MYO1E: variants seen among roughly 807,000 people sequenced by gnomAD.
MYO1E encodes unconventional myosin-Ie.
A neutral mutation model predicts 151.1 loss-of-function variants in MYO1E; 68 were observed. That is an observed-to-expected ratio of 0.45 (90% CI 0.37 to 0.55). The LOEUF (loss-of-function observed/expected upper bound fraction) is 0.55, where lower values mean the gene tolerates loss of function less well. MYO1E is among the 20% of genes least tolerant of loss of function. The probability of loss-of-function intolerance (pLI) is 0.00; values close to 1 mark genes in which losing one functional copy is unlikely to be tolerated. For missense variants in MYO1E, 1,363 were observed against 1,389.3 expected (o/e 0.98, Z 0.30); for synonymous variants, 601 against 501.7 (o/e 1.20, Z -2.64).
At chr15:59,274,717 A>T (rs1300378742) in intron 1 of MYO1E, among the ~76,000 whole-genome samples, 1 of 152,200 alleles carries the variant, frequency 6.6e-6, no homozygotes, top group Non-Finnish European at 1.5e-5. Flanking sequence ...TTGTCTCAGT[A>T]TCAAACCCAT....
chr15:59,248,127 C>CAA (rs138467126), intron 4 of MYO1E, among the ~76,000 whole-genome samples: 1,797 of 35,854 alleles, frequency 0.05, 381 homozygotes, highest in Middle Eastern at 0.083. Context: ...GACTCCGTCT[C>CAA]AAAAAAAAAA....
chr15:59,250,589 G>C (rs142983863), intron 4 of MYO1E, among the ~76,000 whole-genome samples: 1 of 151,816 alleles, frequency 6.6e-6, no homozygotes, highest in South Asian at 2.1e-4. Flanking sequence ...GCTTTTCTGA[G>C]TTTTGTGAGT....
At chr15:59,293,707 GT>G (rs1261755955) in intron 1 of MYO1E, among the ~76,000 whole-genome samples, 11 of 152,218 alleles carry the variant, frequency 7.2e-5, no homozygotes, top group Middle Eastern at 6.8e-3. Context: ...GCCCTCAAAA[GT>G]TTTTTCATCT....
At chr15:59,233,656 C>G (rs1349500034) in intron 5 of MYO1E, among the ~76,000 whole-genome samples, 1 of 97,976 alleles carries the variant, frequency 1.0e-5, no homozygotes, top group Admixed American at 1.6e-4. Flanking sequence ...GAGCGAGACT[C>G]CGTCTAAAAA....
chr15:59,193,799 C>T (rs1025126976), intron 17 of MYO1E, among the ~76,000 whole-genome samples: 1 of 152,094 alleles, frequency 6.6e-6, no homozygotes, highest in African/African-American at 2.4e-5. Flanking sequence ...GCTCCTCATC[C>T]GGGCCTGAAT....
chr15:59,155,420 T>C (rs2079504293), intron 25 of MYO1E, among the ~76,000 whole-genome samples: 1 of 152,218 alleles, frequency 6.6e-6, no homozygotes, highest in Non-Finnish European at 1.5e-5. Flanking sequence ...TAAAACCCCC[T>C]GAAAACTCCT....
At chr15:59,207,509 A>G (rs773275198) in intron 14 of MYO1E, 13 of 1,613,882 alleles carry the variant, frequency 8.1e-6, no homozygotes, top group Admixed American at 1.7e-5. Context: ...AATCCAGTGG[A>G]TATCTTAACT....
intron 1 of MYO1E, among the ~76,000 whole-genome samples, chr15:59,295,337 CT>C (rs1243214332): frequency 6.6e-6 from 1 of 152,028 alleles, no homozygotes; most frequent in African/African-American, 2.4e-5. Flanking sequence ...TTGCACTGAG[CT>C]TTTCACCACG....
At chr15:59,229,495 T>G (rs2080012654) in intron 6 of MYO1E, among the ~76,000 whole-genome samples, 2 of 152,200 alleles carry the variant, frequency 1.3e-5, no homozygotes. Context: ...TATAGCAGCC[T>G]GGGGGGGATG....
At chr15:59,354,637 T>C (rs1351346678) in intron 1 of MYO1E, among the ~76,000 whole-genome samples, 1 of 152,146 alleles carries the variant, frequency 6.6e-6, no homozygotes, top group Non-Finnish European at 1.5e-5. Context: ...GTGGGCACCA[T>C]TGCAATGGCT....
intron 18 of MYO1E, among the ~76,000 whole-genome samples, chr15:59,180,892 C>T (rs1191771448): frequency 1.3e-5 from 2 of 152,342 alleles, no homozygotes. Flanking sequence ...CACATATTTT[C>T]AGTTTAAGAC....
At chr15:59,245,084 G>A (rs2080121804) in intron 4 of MYO1E, among the ~76,000 whole-genome samples, 1 of 152,206 alleles carries the variant, frequency 6.6e-6, no homozygotes, top group South Asian at 2.1e-4. Flanking sequence ...AGGCCAGGGG[G>A]ATGGCGAGGT....
intron 1 of MYO1E, among the ~76,000 whole-genome samples, chr15:59,272,804 C>T (rs755349588): frequency 2.6e-4 from 39 of 152,262 alleles, no homozygotes; most frequent in African/African-American, 4.3e-4. Flanking sequence ...GCACAACACA[C>T]GGTTGACAGT....
intron 1 of MYO1E, among the ~76,000 whole-genome samples, chr15:59,303,514 G>T (rs2080495994): frequency 6.6e-6 from 1 of 152,104 alleles, no homozygotes; most frequent in South Asian, 2.1e-4. Flanking sequence ...GGGTAATAAA[G>T]TGAGACTCTG....
Position 59,171,903 on chromosome 15 carries a change from G to C in MYO1E, c.2474C>G (p.Ser825Cys), listed in dbSNP as rs1375514494. ...CTGCACCTCCACTACTCACCTGAGGGACACAGACAAGATCCGTTCTATCTC... is the reference window on the plus strand; with the variant it reads ...CTGCACCTCCACTACTCACCTGAGGCACACAGACAAGATCCGTTCTATCTC... Reference protein sequence around the residue: ...KIEIERILSVSLSTMQDDIFI... With the variant: ...KIEIERILSVCLSTMQDDIFI... The change falls in exon 22 of 28, where the codon TCC becomes TGC. Residue 825 changes from serine to cysteine, a missense_variant. By Grantham distance (112) the Ser-to-Cys change is moderately radical. Coordinates refer to ENST00000288235, the MANE Select transcript of MYO1E (RefSeq NM_004998.4). The C allele has an allele frequency of 6.2e-7, 1 of 1,614,174 alleles. No individual in the cohort carries two copies. The highest frequency in any genetic ancestry group is 8.5e-7 in the Non-Finnish European group (1 of 1,180,032).
rs1322644224 is a variant in MYO1E, at chr15:59,223,037, G to A, written c.910+22C>T. 4 of 1,613,206 alleles carry A rather than the reference G, an allele frequency of 2.5e-6. No homozygotes were observed. In the Admixed American group the frequency reaches 6.7e-5, roughly 27 times the overall value. On this transcript the variant is annotated intron_variant, in intron 9 of 27. Coordinates refer to ENST00000288235, the MANE Select transcript of MYO1E (RefSeq NM_004998.4). ...AGAGCTAGCCACCCCTCATTCAATG[G>A]CCACATGCCAGGGCTACGCACACTC...
chr15:59,311,631 T>C (rs2140410929), intron 1 of MYO1E, among the ~76,000 whole-genome samples: 1 of 152,260 alleles, frequency 6.6e-6, no homozygotes, highest in African/African-American at 2.4e-5. Flanking sequence ...TCTGGCACTA[T>C]ATATCAGGCA....
At chr15:59,362,683 TAGGACACCAAAAAC>T (rs1399415462) in intron 1 of MYO1E, among the ~76,000 whole-genome samples, 1 of 152,240 alleles carries the variant, frequency 6.6e-6, no homozygotes, top group East Asian at 1.9e-4. Context: ...TGCATCTTCC[TAGGACACCAAAAAC>T]AGCCCTATTA....
chr15:59,163,415 GTCTT>G, intron 22 of MYO1E, 112 bp from the exon 23 acceptor site: 1 of 1,080,540 alleles, frequency 9.3e-7, no homozygotes, highest in Admixed American at 2.3e-5. Context: ...AGATTTTACA[GTCTT>G]TCTTTCTATA....
Sources: gnomAD v4.1 joint callset for allele counts (sites outside exome capture counted in the v4.1 genomes callset) on GRCh38, gnomAD v4.1.1 for gene constraint, MANE v1.5 for transcripts, NCBI Gene and HGNC (gene_info 2026-07-23, HGNC 2026-07-21) for gene names.